Variants in SYNE2 observed in about 807,000 individuals in gnomAD.
The protein encoded by SYNE2 is spectrin repeat containing nuclear envelope protein 2, also known as nesprin-2.
In SYNE2, 431 loss-of-function variants were observed where a neutral mutation model predicts 856.3. That is an observed-to-expected ratio of 0.50 (90% CI 0.47 to 0.55). The LOEUF (loss-of-function observed/expected upper bound fraction) is 0.55, where lower values mean the gene tolerates loss of function less well. SYNE2 is among the 20% of genes least tolerant of loss of function. The pLI, the probability that SYNE2 is intolerant of heterozygous loss-of-function variation, is 0.00. For synonymous variants in SYNE2, 2,923 were observed against 2,872.3 expected (o/e 1.02, Z -0.56); for missense variants, 8,129 against 8,023.2 (o/e 1.01, Z -0.50).
chr14:64,216,196 T>G, intron 107 of SYNE2, 52 bp from the exon 108 acceptor site: 1 of 1,611,992 alleles, frequency 6.2e-7, no homozygotes, highest in South Asian at 1.1e-5. Flanking sequence ...ATGTCACCCG[T>G]GACCCGTTCA....
chr14:64,198,475 A>G (rs557402607), intron 99 of SYNE2, among the ~76,000 whole-genome samples: 17 of 152,340 alleles, frequency 1.1e-4, no homozygotes, highest in African/African-American at 4.1e-4. Context: ...GCACCTGATG[A>G]GTCCCAGGGT....
intron 66 of SYNE2, among the ~76,000 whole-genome samples, chr14:64,116,512 G>A (rs1208341202): frequency 1.3e-5 from 2 of 152,152 alleles, no homozygotes; most frequent in Admixed American, 6.5e-5. Flanking sequence ...CTGCCTCCTG[G>A]GTTCAAGTGA....
intron 1 of SYNE2, among the ~76,000 whole-genome samples, chr14:63,835,531 C>T (rs1390107638): frequency 6.6e-6 from 1 of 151,380 alleles, no homozygotes; most frequent in Non-Finnish European, 1.5e-5. Flanking sequence ...TCATGCCTGG[C>T]CTTACGTATG....
At chr14:64,174,065 TA>T in intron 94 of SYNE2, 26 of 534,776 alleles carry the variant, frequency 4.9e-5, no homozygotes, top group South Asian at 1.2e-4. Context: ...CCTTGTCTCT[TA>T]AATTTTTTTT....
intron 32 of SYNE2, among the ~76,000 whole-genome samples, chr14:64,014,131 T>C (rs571496058): frequency 3.3e-5 from 5 of 152,278 alleles, no homozygotes; most frequent in African/African-American, 1.2e-4. Context: ...AGTATGTAAC[T>C]TTTTGGGATT....
intron 2 of SYNE2, among the ~76,000 whole-genome samples, chr14:63,916,796 G>A (rs1329516846): frequency 6.6e-6 from 1 of 152,040 alleles, no homozygotes; most frequent in Non-Finnish European, 1.5e-5. Context: ...ATTAATAAAA[G>A]CTTCTCGGCT....
At chr14:64,044,082 C>G (rs887529142) in intron 45 of SYNE2, among the ~76,000 whole-genome samples, 2 of 152,210 alleles carry the variant, frequency 1.3e-5, no homozygotes, top group Non-Finnish European at 2.9e-5. Context: ...CACTATTTGC[C>G]TGGAAAAGCT....
intron 1 of SYNE2, among the ~76,000 whole-genome samples, chr14:63,831,092 C>A (rs1889651756): frequency 6.6e-6 from 1 of 152,032 alleles, no homozygotes; most frequent in African/African-American, 2.4e-5. Flanking sequence ...CCACCCGCTT[C>A]GGCCTCCTAA....
intron 62 of SYNE2, 36 bp from the exon 63 acceptor site, chr14:64,098,711 A>T (rs1354891985): frequency 1.2e-5 from 19 of 1,608,512 alleles, no homozygotes; most frequent in Non-Finnish European, 1.6e-5. Flanking sequence ...TTGACTGGCA[A>T]GCAGACTGCA....
In SYNE2 at chr14:63,950,025, C is replaced by G; in HGVS notation, c.590+19C>G. On this transcript the variant is annotated intron_variant, in intron 7 of 115. Transcript: ENST00000555002. ...GCGCCACGTAAGTAGTTTGCTATGACCCTAAGAGACACACAGGGCAGCTGT... is the reference window on the plus strand; with the variant it reads ...GCGCCACGTAAGTAGTTTGCTATGAGCCTAAGAGACACACAGGGCAGCTGT... The G allele has an allele frequency of 6.2e-7, 1 of 1,613,538 alleles. No individual in the cohort carries two copies. Among genetic ancestry groups the G allele is most frequent in the East Asian group, 2.2e-5 (1 of 44,870 alleles).
In SYNE2 at chr14:64,049,429, A is replaced by AAATAATAATAATAATAAT. The variant is rs71444641; in HGVS notation, c.7378-169_7378-152dup. 1.7e-3 allele frequency: 281 copies of AAATAATAATAATAATAAT among 169,704 alleles called. 2 individuals are homozygous for AAATAATAATAATAATAAT. Among genetic ancestry groups the AAATAATAATAATAATAAT allele is most frequent in the African/African-American group, 6.6e-3 (255 of 38,708 alleles). 10.5% of individuals were successfully genotyped at this position (169,704 alleles called of 1,614,324 possible). On this transcript the variant is annotated intron_variant, in intron 46 of 115. Transcript: ENST00000555002. ...ACCCTGCACTCCAGCCTGGGTGACA[A>AAATAATAATAATAATAAT]AATAATAATAATAATAATAATAATA...
intron 61 of SYNE2, among the ~76,000 whole-genome samples, chr14:64,094,606 G>A (rs17101651): frequency 0.12 from 17,569 of 152,158 alleles, 1,243 homozygotes; most frequent in African/African-American, 0.2. Flanking sequence ...GAGACCTGGG[G>A]CAAGTGATTT....
intron 43 of SYNE2, among the ~76,000 whole-genome samples, chr14:64,029,621 T>A (rs1000502949): frequency 3.9e-5 from 6 of 152,190 alleles, no homozygotes; most frequent in African/African-American, 1.4e-4. Flanking sequence ...TTTATAAACA[T>A]CTTGACAAAT....
At chr14:64,180,122 T>C (rs1309318146) in intron 96 of SYNE2, among the ~76,000 whole-genome samples, 1 of 152,274 alleles carries the variant, frequency 6.6e-6, no homozygotes, top group Non-Finnish European at 1.5e-5. Flanking sequence ...TGCCTATTTA[T>C]TGTCTAATGT....
rs956483937 is a variant in SYNE2, at chr14:63,965,022, G to A, written c.990+1022G>A. Among the ~76,000 whole-genome samples, 3 of 150,004 alleles carry A rather than the reference G, an allele frequency of 2.0e-5. No homozygotes were observed. The East Asian group carries it at 5.8e-4, about 29-fold the overall frequency. On this transcript the variant is annotated intron_variant, in intron 10 of 115. Transcript: ENST00000555002. Reference sequence around the variant, plus strand: ...CTGTGGCCCAGGCTAGAGTACAGTGGTGTGACCTTGGCTCACTACAACCTC... The same window carrying A: ...CTGTGGCCCAGGCTAGAGTACAGTGATGTGACCTTGGCTCACTACAACCTC...
intron 45 of SYNE2, among the ~76,000 whole-genome samples, chr14:64,033,631 A>T (rs535387806): frequency 6.6e-6 from 1 of 152,144 alleles, no homozygotes; most frequent in South Asian, 2.1e-4. Context: ...GACTGTAGTG[A>T]GCCGAGATTG....
chr14:63,967,681 AATC>A, intron 10 of SYNE2, 25 bp from the exon 11 acceptor site: 1 of 1,609,252 alleles, frequency 6.2e-7, no homozygotes, highest in Non-Finnish European at 8.5e-7. Context: ...AAACATTTTC[AATC>A]TTTAAAATAC....
chr14:64,139,851 A>T (rs1250239551), intron 79 of SYNE2, 90 bp from the exon 80 acceptor site: 1 of 1,302,342 alleles, frequency 7.7e-7, no homozygotes, highest in African/African-American at 1.4e-5. Context: ...ATAGGAGGAC[A>T]TACAATAAAA....
At chr14:64,169,277 G>A (rs2098398773) in intron 93 of SYNE2, among the ~76,000 whole-genome samples, 1 of 152,208 alleles carries the variant, frequency 6.6e-6, no homozygotes, top group Non-Finnish European at 1.5e-5. Flanking sequence ...TGATTCTTCT[G>A]TACTGTTTCC....
Sources: gnomAD v4.1 joint callset for allele counts (sites outside exome capture counted in the v4.1 genomes callset) on GRCh38, gnomAD v4.1.1 for gene constraint, MANE v1.5 for transcripts, NCBI Gene and HGNC (gene_info 2026-07-23, HGNC 2026-07-21) for gene names.